DPP10: variants seen among roughly 807,000 people sequenced by gnomAD.
The protein encoded by DPP10 is inactive dipeptidyl peptidase 10.
In DPP10, 33 loss-of-function variants were observed where a neutral mutation model predicts 120.9. The ratio of observed to expected loss-of-function variants is 0.27; its 90% CI spans 0.21 to 0.37. The LOEUF (loss-of-function observed/expected upper bound fraction) is 0.37. Ranked by LOEUF, DPP10 falls within the 10% of genes least tolerant of loss-of-function variation. DPP10 has a pLI of 1.00. For synonymous variants in DPP10, 337 were observed against 326.1 expected (o/e 1.03, Z -0.36); for missense variants, 816 against 942.8 (o/e 0.87, Z 1.76).
intron 5 of DPP10, among the ~76,000 whole-genome samples, chr2:115,526,720 T>C (rs2078155043): frequency 6.6e-6 from 1 of 152,280 alleles, no homozygotes; most frequent in South Asian, 2.1e-4. Flanking sequence ...TAAAAATTTA[T>C]GAACTTAAGG....
At chr2:114,727,548 C>T (rs1238590016) in intron 1 of DPP10, among the ~76,000 whole-genome samples, 5 of 152,186 alleles carry the variant, frequency 3.3e-5, no homozygotes, top group Non-Finnish European at 7.3e-5. Context: ...GTTGCCCAAA[C>T]CACTGGCCTC....
intron 1 of DPP10, among the ~76,000 whole-genome samples, chr2:115,025,035 T>C (rs561945415): frequency 6.6e-6 from 1 of 151,942 alleles, no homozygotes; most frequent in East Asian, 1.9e-4. Context: ...CATTCTTTTC[T>C]AGATAATTTG....
intron 1 of DPP10, among the ~76,000 whole-genome samples, chr2:115,201,676 G>A (rs2055733985): frequency 6.6e-6 from 1 of 152,138 alleles, no homozygotes; most frequent in Admixed American, 6.5e-5. Flanking sequence ...AAGAGCTCAT[G>A]TTATCCTCAA....
At chr2:115,748,443 A>G (rs1678290120) in intron 10 of DPP10, among the ~76,000 whole-genome samples, 1 of 152,096 alleles carries the variant, frequency 6.6e-6, no homozygotes, top group African/African-American at 2.4e-5. Context: ...CGCCAAAATG[A>G]CTACAATAAT....
intron 1 of DPP10, among the ~76,000 whole-genome samples, chr2:114,571,284 T>A (rs1487838130): frequency 6.6e-6 from 1 of 152,038 alleles, no homozygotes; most frequent in Non-Finnish European, 1.5e-5. Flanking sequence ...GAGATCTGGC[T>A]GTTTAAAAGT....
At chr2:115,398,975 C>CT (rs748391486) in intron 3 of DPP10, among the ~76,000 whole-genome samples, 121 of 152,082 alleles carry the variant, frequency 8.0e-4, no homozygotes, top group Non-Finnish European at 7.8e-4. Flanking sequence ...AGAGAGCACA[C>CT]TTTTTTTTAA....
rs547323804 is a variant in DPP10, at chr2:115,614,789, T to C, written c.442-74898T>C. Among the ~76,000 whole-genome samples the C allele has an allele frequency of 3.9e-5, 6 of 152,300 alleles. No homozygotes were observed. The South Asian group carries it at 1.2e-3, about 32-fold the overall frequency. On this transcript the variant is annotated intron_variant, in intron 5 of 25. Transcript: ENST00000410059. The stretch of plus-strand genomic sequence containing the variant: ...AGTGTCCACGTCTCCAGAATTATCA[T>C]AGAGAGAAAACAGAAACCTTCTTTT...
At position 115,573,820 on chromosome 2, in the gene DPP10, GCTGGAAT is replaced by G. The variant is rs558421331; in HGVS notation, c.441+47849_441+47855del. 2.4e-3 allele frequency among the ~76,000 whole-genome samples: 368 copies of G among 152,180 alleles called. 1 individual carries two copies. Among genetic ancestry groups the G allele is most frequent in the Admixed American group, 6.7e-3 (103 of 15,296 alleles). The stretch of plus-strand genomic sequence containing the variant: ...TCTGCCCGCCTTGACCTCTCAAAAT[GCTGGAAT>G]GACAGGTGTGAGTCATCACGCCTGG... On this transcript the variant is annotated intron_variant, in intron 5 of 25. Transcript: ENST00000410059.
intron 1 of DPP10, among the ~76,000 whole-genome samples, chr2:114,698,118 C>T (rs995566939): frequency 6.6e-6 from 1 of 152,048 alleles, no homozygotes; most frequent in Non-Finnish European, 1.5e-5. Flanking sequence ...AATATTAAAT[C>T]ATTACCCCAC....
intron 1 of DPP10, among the ~76,000 whole-genome samples, chr2:114,579,644 A>G (rs933488684): frequency 1.2e-4 from 19 of 152,216 alleles, no homozygotes; most frequent in African/African-American, 4.6e-4. Context: ...GGGAATTAAC[A>G]AAATCAGTAT....
intron 1 of DPP10, among the ~76,000 whole-genome samples, chr2:114,532,340 CTATA>C (rs1157020714): frequency 4.8e-5 from 7 of 145,144 alleles, no homozygotes; most frequent in Non-Finnish European, 1.1e-4. Context: ...ATATATCTCT[CTATA>C]TATATGTATA....
chr2:114,977,098 G>A (rs527421974), intron 1 of DPP10, among the ~76,000 whole-genome samples: 54 of 151,912 alleles, frequency 3.6e-4, no homozygotes, highest in African/African-American at 1.3e-3. Flanking sequence ...TTGATATTCA[G>A]TTTGCTTTGA....
chr2:115,044,464 C>G (rs1024011062), intron 1 of DPP10, among the ~76,000 whole-genome samples: 1 of 152,032 alleles, frequency 6.6e-6, no homozygotes, highest in African/African-American at 2.4e-5. Flanking sequence ...GCTGCACCCA[C>G]TAACTCGTCA....
intron 1 of DPP10, among the ~76,000 whole-genome samples, chr2:114,779,320 T>C (rs528992406): frequency 6.6e-6 from 1 of 152,258 alleles, no homozygotes; most frequent in East Asian, 1.9e-4. Flanking sequence ...ATTTTCTGTC[T>C]GCATATAGAC....
chr2:114,834,851 A>C (rs142008636), intron 1 of DPP10, among the ~76,000 whole-genome samples: 6,971 of 117,056 alleles, frequency 0.06, 84 homozygotes, highest in Non-Finnish European at 0.067. Context: ...CCATGTCTAC[A>C]CACCTATGTA....
intron 1 of DPP10, among the ~76,000 whole-genome samples, chr2:114,700,819 TG>T (rs1470136988): frequency 6.6e-6 from 1 of 152,102 alleles, no homozygotes; most frequent in Non-Finnish European, 1.5e-5. Flanking sequence ...TGGTACTTTT[TG>T]TTTGCCTGTC....
chr2:115,473,995 G>A lies in DPP10; in HGVS notation c.272-25515G>A, dbSNP rs535275372. 5.3e-5 allele frequency among the ~76,000 whole-genome samples: 8 copies of A among 152,214 alleles called. No individual in the cohort carries two copies. The East Asian group carries it at 1.5e-3, about 29-fold the overall frequency. On this transcript the variant is annotated intron_variant, in intron 3 of 25. Transcript: ENST00000410059. ...TTAGTGTGTGTATATTAGGATGGGA[G>A]GTTTGGGGAAGTAGAGTGGAAATTG...
At chr2:115,069,695 T>G (rs1227607851) in intron 1 of DPP10, among the ~76,000 whole-genome samples, 1 of 152,036 alleles carries the variant, frequency 6.6e-6, no homozygotes, top group Non-Finnish European at 1.5e-5. Context: ...GGTTTTGACA[T>G]TAGACAGATC....
chr2:115,551,231 A>G (rs922332126), intron 5 of DPP10, among the ~76,000 whole-genome samples: 1 of 152,134 alleles, frequency 6.6e-6, no homozygotes, highest in African/African-American at 2.4e-5. Flanking sequence ...GCTTGTCACA[A>G]TGGGATCCTC....
Sources: allele counts gnomAD v4.1 joint callset (sites outside exome capture counted in the v4.1 genomes callset), GRCh38; gene constraint gnomAD v4.1.1; transcripts MANE v1.5; gene names NCBI Gene and HGNC (gene_info 2026-07-23, HGNC 2026-07-21).